The following B4GALT5 variants were observed in gnomAD, a reference collection of about 807,000 sequenced individuals.
B4GALT5 encodes the protein UDP-Gal:beta-GlcNAc beta-1,4-galactosyltransferase 5.
Under a neutral mutation model 45.0 loss-of-function variants are expected in B4GALT5, and 11 were observed. That is an observed-to-expected ratio of 0.24 (90% confidence interval 0.15 to 0.40). The LOEUF is 0.40. B4GALT5 is among the 10% of genes least tolerant of loss of function. The pLI is 1.00. For missense variants in B4GALT5, 337 were observed against 500.2 expected (o/e 0.67, Z 3.11); for synonymous variants, 185 against 182.9 (o/e 1.01, Z -0.09).
intron 1 of B4GALT5, among the ~76,000 whole-genome samples, chr20:49,669,913 T>C (rs2085708832): frequency 6.6e-6 from 1 of 152,130 alleles, no homozygotes; most frequent in Non-Finnish European, 1.5e-5. Context: ...TATTTGCAAA[T>C]TCAACAATAG....
At chr20:49,693,538 C>T (rs1480247999) in intron 1 of B4GALT5, among the ~76,000 whole-genome samples, 1 of 152,178 alleles carries the variant, frequency 6.6e-6, no homozygotes, top group African/African-American at 2.4e-5. Flanking sequence ...AGTATCTCTA[C>T]CTTGCTGTTT....
intron 1 of B4GALT5, among the ~76,000 whole-genome samples, chr20:49,676,488 G>A (rs1432793450): frequency 1.3e-5 from 2 of 152,240 alleles, no homozygotes; most frequent in Non-Finnish European, 2.9e-5. Flanking sequence ...AAGCAGAGAT[G>A]AAGTTAAGCT....
Position 49,634,141 on chromosome 20 carries a change from G to C in B4GALT5, c.*2171C>G, listed in dbSNP as rs1221562780. 1 of 152,558 alleles carries C rather than the reference G, an allele frequency of 6.6e-6. No individual in the cohort carries two copies. The highest frequency in any genetic ancestry group is 1.5e-5 in the Non-Finnish European group (1 of 68,034). The allele number at this position is 152,558 out of a possible 1,614,324, so 9.5% of individuals were successfully genotyped here. On this transcript the variant is annotated 3_prime_UTR_variant, in exon 9 of 9. Transcript: ENST00000371711. Reference sequence around the variant, plus strand: ...TCTCATATGAGCCGATAAGAGCTTTGCAATGCAATTTATTTTCTAAATACC... The same window carrying C: ...TCTCATATGAGCCGATAAGAGCTTTCCAATGCAATTTATTTTCTAAATACC...
In B4GALT5 at chr20:49,636,450, C is replaced by T; in HGVS notation, c.1029G>A (p.Leu343=). ...CTTGCCGTTCTTTTGACTTCCTCAGCAGAGCATACCTGTTTAGGGAGGGAA... is the reference window on the plus strand; with the variant it reads ...CTTGCCGTTCTTTTGACTTCCTCAGTAGAGCATACCTGTTTAGGGAGGGAA... ...GEVQFLGRYA[L]LRKSKERQGL... The change falls in exon 9 of 9, where the codon CTG becomes CTA. Residue 343 remains leucine, a synonymous_variant. Coordinates refer to ENST00000371711, the MANE Select transcript of B4GALT5 (RefSeq NM_004776.4). The T allele has an allele frequency of 1.2e-6, 2 of 1,614,138 alleles. No homozygotes were observed. Among genetic ancestry groups the T allele is most frequent in the Non-Finnish European group, 1.7e-6 (2 of 1,179,996 alleles).
At chr20:49,659,803 T>G (rs1206599226) in intron 1 of B4GALT5, among the ~76,000 whole-genome samples, 2 of 150,440 alleles carry the variant, frequency 1.3e-5, no homozygotes, top group Non-Finnish European at 2.9e-5. Flanking sequence ...GTCACTTGTT[T>G]TTTCTTTTTT....
chr20:49,713,700 A>G lies in B4GALT5; in HGVS notation c.-10T>C. 1 of 1,369,600 alleles carries G rather than the reference A, an allele frequency of 7.3e-7. No individual in the cohort carries two copies. The highest frequency in any genetic ancestry group is 9.8e-7 in the Non-Finnish European group (1 of 1,023,418). 84.8% of individuals were successfully genotyped at this position (1,369,600 alleles called of 1,614,324 possible). ...CCCGGCGGGCGCGCATGCTGCAGCCAGGCGGCCGCTAGAGAGCCAGGCCGG... is the reference window on the plus strand; with the variant it reads ...CCCGGCGGGCGCGCATGCTGCAGCCGGGCGGCCGCTAGAGAGCCAGGCCGG... On this transcript the variant is annotated 5_prime_UTR_variant, in exon 1 of 9. Transcript: ENST00000371711.
intron 1 of B4GALT5, among the ~76,000 whole-genome samples, chr20:49,668,601 T>A (rs71351977): frequency 1.9e-5 from 1 of 53,050 alleles, no homozygotes; most frequent in Non-Finnish European, 4.0e-5. Context: ...TGGGTGGGGG[T>A]GGGGGGGGCG....
chr20:49,669,279 T>C (rs1234486499), intron 1 of B4GALT5, among the ~76,000 whole-genome samples: 1 of 152,202 alleles, frequency 6.6e-6, no homozygotes, highest in African/African-American at 2.4e-5. Flanking sequence ...CTTCTATCCA[T>C]GACCTCTACA....
Position 49,633,897 on chromosome 20 carries a change from G to GGGGAGAAAAGCCAAGGCA in B4GALT5, c.*2397_*2414dup, listed in dbSNP as rs1306889743. ...AGGAAAGGGGAGAGGAGAATGAGAA[G>GGGGAGAAAAGCCAAGGCA]GGGAGAAAAGCCAAGGCAGGGACAA... On this transcript the variant is annotated 3_prime_UTR_variant, in exon 9 of 9. Coordinates refer to ENST00000371711, the MANE Select transcript of B4GALT5 (RefSeq NM_004776.4). The GGGGAGAAAAGCCAAGGCA allele has an allele frequency of 2.0e-5, 3 of 152,664 alleles. No homozygotes were observed. Among genetic ancestry groups the GGGGAGAAAAGCCAAGGCA allele is most frequent in the Admixed American group, 6.5e-5 (1 of 15,278 alleles). 9.5% of individuals were successfully genotyped at this position (152,664 alleles called of 1,614,324 possible).
At chr20:49,658,793 A>C (rs886083127) in intron 1 of B4GALT5, among the ~76,000 whole-genome samples, 1 of 152,174 alleles carries the variant, frequency 6.6e-6, no homozygotes. Context: ...CACTTGTAAC[A>C]AGCTCGCAGG....
At chr20:49,701,060 T>A (rs1321503667) in intron 1 of B4GALT5, among the ~76,000 whole-genome samples, 1 of 152,224 alleles carries the variant, frequency 6.6e-6, no homozygotes, top group Non-Finnish European at 1.5e-5. Flanking sequence ...AAGTGAAGCA[T>A]GCTCCTTAGA....
intron 3 of B4GALT5, among the ~76,000 whole-genome samples, chr20:49,645,702 C>T (rs190864761): frequency 6.1e-4 from 93 of 151,990 alleles, no homozygotes; most frequent in African/African-American, 2.1e-3. Flanking sequence ...TGAGCGGAGA[C>T]GGCACCACTG....
At chr20:49,638,094 G>T (rs191275531) in intron 7 of B4GALT5, among the ~76,000 whole-genome samples, 189 of 151,876 alleles carry the variant, frequency 1.2e-3, no homozygotes, top group African/African-American at 4.4e-3. Context: ...TCATGGTTCA[G>T]TGCAGCCTCA....
rs1403649805 is a variant in B4GALT5, at chr20:49,633,568, A to G, written c.*2744T>C. 6.6e-6 allele frequency: 1 copy of G among 151,612 alleles called. No individual in the cohort carries two copies. The highest frequency in any genetic ancestry group is 1.5e-5 in the Non-Finnish European group (1 of 67,900). 9.4% of individuals were successfully genotyped at this position (151,612 alleles called of 1,614,324 possible). ...CACATGACTGACAGTGCACATCCAGAGATTCTACACTCATCAGACACAGAC... is the reference window on the plus strand; with the variant it reads ...CACATGACTGACAGTGCACATCCAGGGATTCTACACTCATCAGACACAGAC... On this transcript the variant is annotated 3_prime_UTR_variant, in exon 9 of 9. Transcript: ENST00000371711.
At chr20:49,667,231 G>T (rs374151484) in intron 1 of B4GALT5, among the ~76,000 whole-genome samples, 58 of 138,128 alleles carry the variant, frequency 4.2e-4, no homozygotes, top group Non-Finnish European at 7.1e-4. Flanking sequence ...TTTTTGAAGT[G>T]TTTTTTTTTT....
At chr20:49,653,164 A>T (rs2085628967) in intron 2 of B4GALT5, among the ~76,000 whole-genome samples, 1 of 152,242 alleles carries the variant, frequency 6.6e-6, no homozygotes, top group Non-Finnish European at 1.5e-5. Context: ...CATTATACTT[A>T]CCAGTTGATC....
chr20:49,712,388 T>C (rs574804044), intron 1 of B4GALT5, among the ~76,000 whole-genome samples: 1 of 150,326 alleles, frequency 6.7e-6, no homozygotes, highest in Non-Finnish European at 1.5e-5. Flanking sequence ...TTAACCTTCA[T>C]GCTGTCTTTC....
At chr20:49,694,671 G>A (rs1358543829) in intron 1 of B4GALT5, among the ~76,000 whole-genome samples, 1 of 44,970 alleles carries the variant, frequency 2.2e-5, no homozygotes, top group Non-Finnish European at 7.2e-5. Flanking sequence ...AAAGGGAAAG[G>A]GAAAGGGAAA....
intron 1 of B4GALT5, among the ~76,000 whole-genome samples, chr20:49,667,255 GT>G (rs1470309543): frequency 3.4e-5 from 5 of 145,510 alleles, no homozygotes; most frequent in Non-Finnish European, 7.6e-5. Flanking sequence ...GGCTTGTGTT[GT>G]TGTTGTTTTT....
Sources: gnomAD v4.1 joint callset for allele counts (sites outside exome capture counted in the v4.1 genomes callset) on GRCh38, gnomAD v4.1.1 for gene constraint, MANE v1.5 for transcripts, NCBI Gene and HGNC (gene_info 2026-07-23, HGNC 2026-07-21) for gene names.